RBFOX2: variants seen among roughly 807,000 people sequenced by gnomAD.
RBFOX2 encodes the protein RNA binding protein fox-1 homolog 2.
RBFOX2 carries 10 observed loss-of-function variants against 49.1 expected under a neutral mutation model. The ratio of observed to expected loss-of-function variants is 0.20; its 90% CI spans 0.13 to 0.35. The LOEUF (loss-of-function observed/expected upper bound fraction) is 0.35, where lower values mean the gene tolerates loss of function less well. Among genes scored for constraint, RBFOX2 ranks in the 10% least tolerant of loss-of-function variants. RBFOX2 has a pLI of 1.00. For synonymous variants in RBFOX2, 183 were observed against 187.4 expected, an observed-to-expected ratio of 0.98 and a Z score of 0.19; for missense variants, 323 against 486.9, an observed-to-expected ratio of 0.66 and a Z score of 3.17.
At chr22:35,899,179 A>AACATAACAT (rs2048261078) in intron 1 of RBFOX2, among the ~76,000 whole-genome samples, 1 of 78,050 alleles carries the variant, frequency 1.3e-5, no homozygotes, top group South Asian at 4.2e-4. Flanking sequence ...TAACATAACA[A>AACATAACAT]ACATAAAAAA....
At chr22:35,953,366 C>T (rs968650513) in intron 1 of RBFOX2, among the ~76,000 whole-genome samples, 3 of 151,596 alleles carry the variant, frequency 2.0e-5, no homozygotes, top group Non-Finnish European at 4.4e-5. Context: ...CATGGATAAA[C>T]AATGAAAACA....
At chr22:35,833,830 C>T (rs1957195567) in intron 1 of RBFOX2, among the ~76,000 whole-genome samples, 1 of 152,050 alleles carries the variant, frequency 6.6e-6, no homozygotes, top group South Asian at 2.1e-4. Context: ...GGAATAAATG[C>T]TCTAAAATAT....
At chr22:35,796,146 A>G (rs369649505) in intron 2 of RBFOX2, among the ~76,000 whole-genome samples, 1 of 152,258 alleles carries the variant, frequency 6.6e-6, no homozygotes, top group South Asian at 2.1e-4. Context: ...GCCTACAAAG[A>G]AAAGAATCTT....
Position 35,849,297 on chromosome 22 carries a change from A to AC in RBFOX2, c.-33-39294_-33-39293insG, listed in dbSNP as rs1491452137. 7.5e-4 allele frequency among the ~76,000 whole-genome samples: 87 copies of AC among 116,542 alleles called. 1 individual carries two copies. Among genetic ancestry groups the AC allele is most frequent in the African/African-American group, 3.9e-3 (66 of 16,988 alleles). 76.5% of individuals were successfully genotyped at this position (116,542 alleles called of 152,430 possible). A position where few individuals can be genotyped will look rare whatever the true frequency, so the allele number is the denominator to read the frequency against. Reference sequence around the variant, plus strand: ...AACACACACACACACATACACACACAAACACACACACACACACACACACAC... The same window carrying AC: ...AACACACACACACACATACACACACACAACACACACACACACACACACACAC... On this transcript the variant is annotated intron_variant, in intron 1 of 13. Coordinates refer to the RBFOX2 transcript ENST00000359369.
At chr22:35,869,503 A>AAAAAAAAAAAAC (rs2044102973) in intron 1 of RBFOX2, among the ~76,000 whole-genome samples, 1 of 147,106 alleles carries the variant, frequency 6.8e-6, no homozygotes, top group Non-Finnish European at 1.5e-5. Context: ...AAAAAAAAAA[A>AAAAAAAAAAAAC]AATGTAGACA....
rs370842686 is a variant in RBFOX2, at chr22:35,850,393, G to A, written c.-33-40389C>T. On this transcript the variant is annotated intron_variant, in intron 1 of 13. Transcript: ENST00000359369. ...TTTTGTATCATTTAACACCTCCCTC[G>A]CTGTGCTTTAACAGAGGTTAGGACA... Among the ~76,000 whole-genome samples the A allele has an allele frequency of 4.6e-5, 7 of 152,148 alleles. No homozygotes were observed. The East Asian group carries it at 1.2e-3, about 25-fold the overall frequency.
At chr22:35,791,321 G>A (rs1474509552) in intron 2 of RBFOX2, among the ~76,000 whole-genome samples, 1 of 151,232 alleles carries the variant, frequency 6.6e-6, no homozygotes, top group Non-Finnish European at 1.5e-5. Context: ...GGAGATGGAG[G>A]TTGCAGTGAG....
At chr22:35,788,302 T>A (rs1946843462) in intron 2 of RBFOX2, among the ~76,000 whole-genome samples, 1 of 152,214 alleles carries the variant, frequency 6.6e-6, no homozygotes, top group East Asian at 1.9e-4. Context: ...CACATACGAC[T>A]CTGATATAGA....
At chr22:36,024,162 C>T (rs1429973567) in intron 1 of RBFOX2, among the ~76,000 whole-genome samples, 1 of 152,128 alleles carries the variant, frequency 6.6e-6, no homozygotes, top group African/African-American at 2.4e-5. Flanking sequence ...TTTCTTAATC[C>T]TTAACTATCT....
At chr22:36,000,501 A>G (rs2058371109) in intron 1 of RBFOX2, 1 of 152,098 alleles carries the variant, frequency 6.6e-6, no homozygotes, top group Admixed American at 6.6e-5. Flanking sequence ...GCACTTCATG[A>G]TTGGTGCTAA....
At chr22:35,777,941 TTA>T (rs1220826445) in intron 4 of RBFOX2, 82 bp downstream of exon 5, 25 of 1,340,452 alleles carry the variant, frequency 1.9e-5, no homozygotes, top group Admixed American at 4.1e-5. Context: ...TGAAAACAGC[TTA>T]TGTTTTCTGA....
intron 1 of RBFOX2, among the ~76,000 whole-genome samples, chr22:35,922,303 G>A (rs938012018): frequency 2.6e-5 from 4 of 152,154 alleles, no homozygotes; most frequent in Admixed American, 6.5e-5. Context: ...TGATAAGGCC[G>A]GGCATGGTGG....
At chr22:35,792,736 C>T (rs991419594) in intron 2 of RBFOX2, among the ~76,000 whole-genome samples, 1 of 152,212 alleles carries the variant, frequency 6.6e-6, no homozygotes, top group Non-Finnish European at 1.5e-5. Context: ...ACCTGATTTA[C>T]AGGCTCACAC....
At chr22:35,894,978 T>TAA (rs397936423) in intron 1 of RBFOX2, among the ~76,000 whole-genome samples, 92 of 135,632 alleles carry the variant, frequency 6.8e-4, no homozygotes, top group Non-Finnish European at 1.1e-3. Flanking sequence ...TAAAAAATCC[T>TAA]AAAAAAAAAA....
intron 1 of RBFOX2, among the ~76,000 whole-genome samples, chr22:35,972,777 T>C (rs1457468926): frequency 6.6e-6 from 1 of 152,184 alleles, no homozygotes; most frequent in Non-Finnish European, 1.5e-5. Flanking sequence ...AGGCTCTCAG[T>C]TGGCACCCTC....
chr22:36,017,578 A>T (rs1000218785), intron 1 of RBFOX2, among the ~76,000 whole-genome samples: 4 of 152,162 alleles, frequency 2.6e-5, no homozygotes, highest in Non-Finnish European at 5.9e-5. Context: ...GATGAAATTC[A>T]CTGGTTGAGA....
At chr22:35,861,449 A>G (rs1341120174) in intron 1 of RBFOX2, among the ~76,000 whole-genome samples, 2 of 152,184 alleles carry the variant, frequency 1.3e-5, no homozygotes, top group Admixed American at 6.5e-5. Flanking sequence ...AAATTCAACC[A>G]TAAGAAACAA....
At chr22:35,960,579 C>T (rs537421888) in intron 1 of RBFOX2, among the ~76,000 whole-genome samples, 4 of 152,134 alleles carry the variant, frequency 2.6e-5, no homozygotes, top group Non-Finnish European at 5.9e-5. Context: ...TCATTCAAAA[C>T]ACGGCCACTG....
intron 9 of RBFOX2, among the ~76,000 whole-genome samples, chr22:35,750,108 C>A (rs947878313): frequency 6.6e-6 from 1 of 152,078 alleles, no homozygotes; most frequent in Non-Finnish European, 1.5e-5. Context: ...CCCTCCCCAG[C>A]CCAAAGAAAT....
Sources: allele counts gnomAD v4.1 joint callset (sites outside exome capture counted in the v4.1 genomes callset), GRCh38; gene constraint gnomAD v4.1.1; transcripts MANE v1.5; gene names NCBI Gene and HGNC (gene_info 2026-07-23, HGNC 2026-07-21).